The following ROBO1 variants were observed in gnomAD, a reference collection of about 807,000 sequenced individuals.
ROBO1 encodes the protein roundabout homolog 1.
Under a neutral mutation model 195.9 loss-of-function variants are expected in ROBO1, and 149 were observed. The observed-to-expected ratio is 0.76, with a 90% confidence interval of 0.67 to 0.87. The LOEUF (loss-of-function observed/expected upper bound fraction) is 0.87. Ranked by LOEUF, ROBO1 falls within the 40% of genes least tolerant of loss-of-function variation. The pLI is 0.00. For synonymous variants in ROBO1, 816 were observed against 733.2 expected (o/e 1.11, Z -1.82); for missense variants, 1,933 against 2,068.3 (o/e 0.93, Z 1.27).
chr3:79,692,720 G>A (rs1947331094), intron 1 of ROBO1, among the ~76,000 whole-genome samples: 2 of 151,774 alleles, frequency 1.3e-5, no homozygotes, highest in Non-Finnish European at 1.5e-5. Flanking sequence ...TTAGACAGGA[G>A]AAATAAGTTC....
intron 1 of ROBO1, among the ~76,000 whole-genome samples, chr3:79,711,253 T>C (rs1702265575): frequency 6.6e-6 from 1 of 152,138 alleles, no homozygotes; most frequent in Admixed American, 6.6e-5. Context: ...AGTTTCCTTG[T>C]GCATAATACA....
chr3:78,983,855 A>C (rs2077049597), intron 3 of ROBO1, among the ~76,000 whole-genome samples: 1 of 152,148 alleles, frequency 6.6e-6, no homozygotes, highest in Non-Finnish European at 1.5e-5. Flanking sequence ...TGACACTGAT[A>C]GGTTTATTGA....
At chr3:78,608,993 A>G (rs1299946926) in intron 28 of ROBO1, among the ~76,000 whole-genome samples, 1 of 152,200 alleles carries the variant, frequency 6.6e-6, no homozygotes, top group Non-Finnish European at 1.5e-5. Flanking sequence ...GTATTTGTAA[A>G]TAAAATCTGA....
intron 3 of ROBO1, among the ~76,000 whole-genome samples, chr3:79,038,000 T>C (rs1020106294): frequency 6.6e-6 from 1 of 152,188 alleles, no homozygotes; most frequent in Admixed American, 6.5e-5. Flanking sequence ...GAAAGATTTT[T>C]TTAAAAATTA....
intron 1 of ROBO1, among the ~76,000 whole-genome samples, chr3:79,666,158 T>C (rs1946470196): frequency 6.6e-6 from 1 of 151,954 alleles, no homozygotes; most frequent in Non-Finnish European, 1.5e-5. Flanking sequence ...ATAATATTAA[T>C]TGAGAATGCT....
Position 78,606,940 on chromosome 3 carries a change from AAGGGAGTTTTGGCACCACTAC to A in ROBO1, c.4516_4536del (p.Val1506_Pro1512del), listed in dbSNP as rs1244881059. 3 of 1,613,660 alleles carry A rather than the reference AAGGGAGTTTTGGCACCACTAC, an allele frequency of 1.9e-6. No homozygotes were observed. The African/African-American group carries it at 4.0e-5, about 22-fold the overall frequency. ...GATCTGTCTGTTCTTGCATCCATAG[AAGGGAGTTTTGGCACCACTAC>A]AGGTCGTACTTCCAGCTGTGTCTTG... On this transcript the variant is annotated inframe_deletion, in exon 29 of 31. Coordinates refer to ENST00000464233, the MANE Select transcript of ROBO1 (RefSeq NM_002941.4).
chr3:78,645,108 G>A (rs1300226001), intron 21 of ROBO1, among the ~76,000 whole-genome samples: 1 of 152,048 alleles, frequency 6.6e-6, no homozygotes, highest in African/African-American at 2.4e-5. Flanking sequence ...GTCACTGGCT[G>A]GCTTTGTTTC....
At chr3:79,758,421 A>G (rs1456425713) in intron 1 of ROBO1, among the ~76,000 whole-genome samples, 5 of 152,230 alleles carry the variant, frequency 3.3e-5, no homozygotes, top group Admixed American at 3.3e-4. Context: ...TTAGATAAAT[A>G]CAGTGATATA....
chr3:79,052,146 C>T (rs962550280), intron 3 of ROBO1, among the ~76,000 whole-genome samples: 1 of 152,010 alleles, frequency 6.6e-6, no homozygotes, highest in African/African-American at 2.4e-5. Flanking sequence ...AGAAATATCA[C>T]TGAATTCTTT....
chr3:78,945,495 C>T (rs1477476636), intron 3 of ROBO1, among the ~76,000 whole-genome samples: 1 of 152,088 alleles, frequency 6.6e-6, no homozygotes. Flanking sequence ...ACAGAAAGGA[C>T]ATCCACACCA....
chr3:79,448,484 A>T (rs1396787620), intron 2 of ROBO1, among the ~76,000 whole-genome samples: 1 of 152,104 alleles, frequency 6.6e-6, no homozygotes, highest in East Asian at 1.9e-4. Context: ...ATTAGTACTT[A>T]TTATTAATTA....
At position 78,635,918 on chromosome 3, in the gene ROBO1, A is replaced by C; in HGVS notation, c.3228T>G (p.Thr1076=). The change falls in exon 23 of 31, where the codon ACT becomes ACG. Residue 1076 remains threonine, a synonymous_variant. Transcript: ENST00000464233. ...TGCTGAGGTTTGACTGGATGAGCTG[A>C]GTGGTGGCGTAAGGAGTAGGCTGCC... ...PSGQPTPYAT[T]QLIQSNLSNN... is the part of the protein sequence containing the mutation. The C allele has an allele frequency of 6.2e-7, 1 of 1,613,886 alleles. No individual in the cohort carries two copies. Among genetic ancestry groups the C allele is most frequent in the Non-Finnish European group, 8.5e-7 (1 of 1,179,842 alleles).
At chr3:78,864,853 T>A (rs2035071272) in intron 4 of ROBO1, among the ~76,000 whole-genome samples, 1 of 151,976 alleles carries the variant, frequency 6.6e-6, no homozygotes, top group Non-Finnish European at 1.5e-5. Context: ...AAAAGAAGTA[T>A]AAAGAAAAAG....
chr3:78,663,137 C>T (rs1041707883), intron 14 of ROBO1, among the ~76,000 whole-genome samples: 1 of 149,922 alleles, frequency 6.7e-6, no homozygotes, highest in Non-Finnish European at 1.5e-5. Flanking sequence ...CATTAAATAC[C>T]GTCAAACAAT....
At chr3:79,207,180 G>C (rs113685737) in intron 2 of ROBO1, among the ~76,000 whole-genome samples, 74 of 152,110 alleles carry the variant, frequency 4.9e-4, no homozygotes, top group African/African-American at 1.7e-3. Context: ...GTGGGAGGTG[G>C]GGAAAACATT....
chr3:78,747,030 G>T, intron 4 of ROBO1, 130 bp from the exon 5 acceptor site: 1 of 499,082 alleles, frequency 2.0e-6, no homozygotes, highest in Non-Finnish European at 3.2e-6. Flanking sequence ...ACAGCTTTAA[G>T]AATCTATATC....
chr3:78,825,325 C>T (rs2031487145), intron 4 of ROBO1, among the ~76,000 whole-genome samples: 1 of 152,054 alleles, frequency 6.6e-6, no homozygotes, highest in African/African-American at 2.4e-5. Context: ...TATTACTCAC[C>T]AAATGAGCCT....
In ROBO1 at chr3:78,834,880, TTCCATACTGATTATAG is replaced by T. The variant is rs2032565511; in HGVS notation, c.500-87996_500-87981del. On this transcript the variant is annotated intron_variant, in intron 4 of 30. Transcript: ENST00000464233. ...AACAGTTGGTACAGAAATTTCTTTC[TTCCATACTGATTATAG>T]ACATAAGTATTTTTCTACAATGTAA... 1.3e-4 allele frequency among the ~76,000 whole-genome samples: 20 copies of T among 152,308 alleles called. No homozygotes were observed. In the South Asian group the frequency reaches 3.9e-3, roughly 30 times the overall value.
intron 2 of ROBO1, among the ~76,000 whole-genome samples, chr3:79,575,128 A>T (rs34639441): frequency 1.5e-5 from 1 of 67,886 alleles, no homozygotes; most frequent in African/African-American, 8.9e-5. Flanking sequence ...TATATATATA[A>T]ATATATATAA....
Sources: allele counts gnomAD v4.1 joint callset (sites outside exome capture counted in the v4.1 genomes callset), GRCh38; gene constraint gnomAD v4.1.1; transcripts MANE v1.5; gene names NCBI Gene and HGNC (gene_info 2026-07-23, HGNC 2026-07-21).